Variants in SLC35F3 observed in about 807,000 individuals in gnomAD.
The protein encoded by SLC35F3 is putative thiamine transporter SLC35F3.
In SLC35F3, 25 loss-of-function variants were observed where a neutral mutation model predicts 49.9. That is an observed-to-expected ratio of 0.50 (90% CI 0.37 to 0.70). The LOEUF (loss-of-function observed/expected upper bound fraction) is 0.70. SLC35F3 is among the 30% of genes least tolerant of loss of function. The pLI is 0.00. For missense variants in SLC35F3, 525 were observed against 639.8 expected (o/e 0.82, Z 1.94); for synonymous variants, 275 against 265.4 (o/e 1.04, Z -0.35).
chr1:234,316,924 A>G (rs1360321439), intron 5 of SLC35F3, among the ~76,000 whole-genome samples, 197 bp downstream of exon 5: 1 of 152,238 alleles, frequency 6.6e-6, no homozygotes, highest in Non-Finnish European at 1.5e-5. Context: ...GAGGTGTGCC[A>G]CTGCTCTTGG....
rs535988673 is a variant in SLC35F3, at chr1:234,078,275, C to T, written c.284-153142C>T. ...TTGTCTTCCTCTTCTTCCTCCTCCTCCTCCTTCAGCACCCACTGTTTCTCT... is the reference window on the plus strand; with the variant it reads ...TTGTCTTCCTCTTCTTCCTCCTCCTTCTCCTTCAGCACCCACTGTTTCTCT... On this transcript the variant is annotated intron_variant, in intron 2 of 7. Transcript: ENST00000366618. 1.5e-4 allele frequency among the ~76,000 whole-genome samples: 23 copies of T among 152,320 alleles called. No individual in the cohort carries two copies. In the East Asian group the frequency reaches 4.2e-3, roughly 28 times the overall value.
chr1:234,235,481 GAC>G (rs1475586867), intron 3 of SLC35F3, among the ~76,000 whole-genome samples: 2 of 152,240 alleles, frequency 1.3e-5, no homozygotes, highest in Middle Eastern at 3.2e-3. Context: ...CATGTGTGAT[GAC>G]ACACAGCCTC....
chr1:234,049,451 C>T (rs957398528), intron 2 of SLC35F3, among the ~76,000 whole-genome samples: 1 of 151,960 alleles, frequency 6.6e-6, no homozygotes, highest in Non-Finnish European at 1.5e-5. Context: ...AAGAAGCCAG[C>T]CATTTACAAG....
At chr1:234,275,763 A>AATATATATAT (rs202037675) in intron 3 of SLC35F3, among the ~76,000 whole-genome samples, 10 of 135,530 alleles carry the variant, frequency 7.4e-5, no homozygotes, top group African/African-American at 2.8e-4. Context: ...AAAAAAAAAA[A>AATATATATAT]ATATATATAT....
intron 2 of SLC35F3, among the ~76,000 whole-genome samples, chr1:234,103,766 C>G (rs550859856): frequency 2.6e-5 from 4 of 152,176 alleles, no homozygotes; most frequent in African/African-American, 9.7e-5. Flanking sequence ...TTCATTGTCT[C>G]TTCTTGGGAA....
At chr1:234,252,841 A>G (rs1321213482) in intron 3 of SLC35F3, among the ~76,000 whole-genome samples, 3 of 152,236 alleles carry the variant, frequency 2.0e-5, no homozygotes, top group Non-Finnish European at 4.4e-5. Flanking sequence ...ACAAAGGCAT[A>G]TCTGCTTTGA....
At chr1:234,112,226 C>G (rs1391613042) in intron 2 of SLC35F3, among the ~76,000 whole-genome samples, 5 of 152,052 alleles carry the variant, frequency 3.3e-5, no homozygotes, top group African/African-American at 7.2e-5. Flanking sequence ...TGGTGCATGC[C>G]TGTGACCCCA....
intron 2 of SLC35F3, among the ~76,000 whole-genome samples, chr1:233,958,289 A>G (rs1192834869): frequency 6.6e-6 from 1 of 152,222 alleles, no homozygotes; most frequent in East Asian, 1.9e-4. Flanking sequence ...TGTGCCCTGA[A>G]CATAGGTTTT....
chr1:234,174,866 A>G (rs1666452305), intron 2 of SLC35F3, among the ~76,000 whole-genome samples: 1 of 152,232 alleles, frequency 6.6e-6, no homozygotes, highest in Non-Finnish European at 1.5e-5. Context: ...CCACAAAGAA[A>G]AAGCTTTCAC....
chr1:234,202,028 T>C (rs1310537154), intron 2 of SLC35F3, among the ~76,000 whole-genome samples: 4 of 151,000 alleles, frequency 2.6e-5, no homozygotes, highest in Non-Finnish European at 5.9e-5. Flanking sequence ...ATAGTACATA[T>C]ACACCATGGA....
rs778098021 is a variant in SLC35F3, at chr1:234,231,657, A to T, written c.524A>T (p.Asn175Ile). ...APFTLTWFAT[N>I]WNFLFFPLYY... Reference sequence around the variant, plus strand: ...TTCACCCTCACGTGGTTTGCCACCAACTGGAACTTTTTATTCTTCCCGTTG... The same window carrying T: ...TTCACCCTCACGTGGTTTGCCACCATCTGGAACTTTTTATTCTTCCCGTTG... The change falls in exon 3 of 8, where the codon AAC becomes ATC. Residue 175 changes from asparagine to isoleucine, a missense_variant. By Grantham distance (149) the Asn-to-Ile change is moderately radical. Transcript: ENST00000366618. This position sits in a 1 kb window ranked among gnomAD's most constrained non-coding sequence, Gnocchi z 5.4. The T allele has an allele frequency of 6.2e-7, 1 of 1,614,040 alleles. No individual in the cohort carries two copies. Among genetic ancestry groups the T allele is most frequent in the Non-Finnish European group, 8.5e-7 (1 of 1,180,012 alleles).
chr1:234,289,977 A>G (rs1179434419), intron 3 of SLC35F3, among the ~76,000 whole-genome samples: 1 of 152,256 alleles, frequency 6.6e-6, no homozygotes, highest in African/African-American at 2.4e-5. Flanking sequence ...TTTCAAAGAA[A>G]GAAGAGGGCA....
chr1:233,972,585 C>G (rs1455103825), intron 2 of SLC35F3, among the ~76,000 whole-genome samples: 1 of 152,124 alleles, frequency 6.6e-6, no homozygotes, highest in South Asian at 2.1e-4. Flanking sequence ...ATGGACCAAA[C>G]CATGCACAGC....
At chr1:234,173,249 A>G (rs1558250117) in intron 2 of SLC35F3, among the ~76,000 whole-genome samples, 1 of 152,162 alleles carries the variant, frequency 6.6e-6, no homozygotes, top group South Asian at 2.1e-4. Context: ...CCAAATACTT[A>G]TATAGGATTA....
chr1:234,286,632 C>A (rs748112923), intron 3 of SLC35F3, among the ~76,000 whole-genome samples: 1 of 152,164 alleles, frequency 6.6e-6, no homozygotes, highest in African/African-American at 2.4e-5. Context: ...AGGTGAGAGT[C>A]CATGAGGATG....
intron 3 of SLC35F3, among the ~76,000 whole-genome samples, chr1:234,276,556 A>G (rs1668214423): frequency 6.6e-6 from 1 of 152,210 alleles, no homozygotes; most frequent in South Asian, 2.1e-4. Context: ...TGAAGATGGG[A>G]GCTGTGTCCT....
intron 2 of SLC35F3, among the ~76,000 whole-genome samples, chr1:233,985,014 T>G (rs79752779): frequency 6.7e-6 from 1 of 148,202 alleles, no homozygotes; most frequent in African/African-American, 2.4e-5. Context: ...ATGCAGGGGT[T>G]GGGGGGGTGC....
At chr1:234,010,299 A>G (rs1663695716) in intron 2 of SLC35F3, among the ~76,000 whole-genome samples, 1 of 152,204 alleles carries the variant, frequency 6.6e-6, no homozygotes, top group Admixed American at 6.5e-5. Context: ...CCTGGTTATA[A>G]GATGTTTTAT....
At position 234,214,783 on chromosome 1, in the gene SLC35F3, C is replaced by A; in HGVS notation, c.284-16634C>A. 3 of 600,782 alleles carry A rather than the reference C, an allele frequency of 5.0e-6. No homozygotes were observed. Among genetic ancestry groups the A allele is most frequent in the Admixed American group, 4.3e-5 (1 of 23,176 alleles). 37.2% of individuals were successfully genotyped at this position (600,782 alleles called of 1,614,324 possible). ...GAGCTCCCTGGCGAGCAGGAGTGAG[C>A]TGCTGCGGCGAGTGAGCACCCGGCT... On this transcript the variant is annotated intron_variant, in intron 2 of 7. Coordinates refer to ENST00000366618, the MANE Select transcript of SLC35F3 (RefSeq NM_173508.4). The surrounding 1 kb of genome is among the most constrained non-coding windows in gnomAD (Gnocchi z 8.0).
Sources: gnomAD v4.1 joint callset for allele counts (sites outside exome capture counted in the v4.1 genomes callset) on GRCh38, gnomAD v4.1.1 for gene constraint, Gnocchi (gnomAD v3.1) non-coding constraint, MANE v1.5 for transcripts, NCBI Gene and HGNC (gene_info 2026-07-23, HGNC 2026-07-21) for gene names.